The following CFDP1 variants were observed in gnomAD, a reference collection of about 807,000 sequenced individuals.
CFDP1 encodes heterochromatin-stabilizing protein CFDP1.
CFDP1 carries 31 observed loss-of-function variants against 40.1 expected under a neutral mutation model. The ratio of observed to expected loss-of-function variants is 0.77; its 90% CI spans 0.58 to 1.04. The LOEUF is 1.04. Among genes scored for constraint, CFDP1 ranks in the 50% least tolerant of loss-of-function variants. CFDP1 has a pLI of 0.00. For synonymous variants in CFDP1, 167 were observed against 120.0 expected, an observed-to-expected ratio of 1.39 and a Z score of -2.56; for missense variants, 423 against 343.4, an observed-to-expected ratio of 1.23 and a Z score of -1.83.
chr16:75,430,349 T>G (rs2079397021), intron 1 of CFDP1, among the ~76,000 whole-genome samples: 1 of 152,072 alleles, frequency 6.6e-6, no homozygotes, highest in Non-Finnish European at 1.5e-5. Flanking sequence ...TTTTATATCT[T>G]TAGTACAGAC....
intron 5 of CFDP1, among the ~76,000 whole-genome samples, chr16:75,345,274 T>C (rs1025837486): frequency 5.9e-5 from 9 of 151,990 alleles, no homozygotes; most frequent in Admixed American, 5.2e-4. Context: ...CTGGCCACCA[T>C]AGCAAAACCC....
chr16:75,415,673 A>C (rs1382692918), intron 1 of CFDP1, among the ~76,000 whole-genome samples: 1 of 152,204 alleles, frequency 6.6e-6, no homozygotes, highest in Non-Finnish European at 1.5e-5. Flanking sequence ...TGTGAGAGTC[A>C]CCCACATTGT....
chr16:75,425,799 C>T (rs1011673881), intron 1 of CFDP1, among the ~76,000 whole-genome samples: 3 of 151,790 alleles, frequency 2.0e-5, no homozygotes, highest in Non-Finnish European at 4.4e-5. Context: ...TTTGGGAGGC[C>T]GGGGTGGGCG....
At chr16:75,351,384 A>C (rs2078609449) in intron 5 of CFDP1, among the ~76,000 whole-genome samples, 1 of 152,232 alleles carries the variant, frequency 6.6e-6, no homozygotes, top group Admixed American at 6.5e-5. Context: ...TTAGATGACT[A>C]ATACCAGGTC....
chr16:75,306,943 C>A (rs902855337), intron 5 of CFDP1, among the ~76,000 whole-genome samples: 1 of 151,934 alleles, frequency 6.6e-6, no homozygotes, highest in African/African-American at 2.4e-5. Context: ...TTACCAGGAA[C>A]GGAGCATGAG....
chr16:75,389,105 C>T (rs2078925762), intron 5 of CFDP1, among the ~76,000 whole-genome samples: 1 of 152,136 alleles, frequency 6.6e-6, no homozygotes, highest in African/African-American at 2.4e-5. Flanking sequence ...TTTAATGACA[C>T]TAATGGTGGC....
At chr16:75,326,791 G>T (rs911142995) in intron 5 of CFDP1, among the ~76,000 whole-genome samples, 3 of 152,236 alleles carry the variant, frequency 2.0e-5, no homozygotes, top group Non-Finnish European at 4.4e-5. Flanking sequence ...GAAGCTAGAA[G>T]ACTGACGGTG....
chr16:75,376,072 A>G (rs550880779), intron 5 of CFDP1, among the ~76,000 whole-genome samples: 1 of 151,910 alleles, frequency 6.6e-6, no homozygotes, highest in East Asian at 2.0e-4. Context: ...TTAGCCAGAC[A>G]TAGTGGTGTG....
intron 5 of CFDP1, among the ~76,000 whole-genome samples, chr16:75,357,160 G>T (rs913077830): frequency 6.6e-6 from 1 of 151,894 alleles, no homozygotes; most frequent in African/African-American, 2.4e-5. Flanking sequence ...TGATCCACCC[G>T]CCTTGGCCTC....
chr16:75,424,574 T>G (rs955357008), intron 1 of CFDP1, among the ~76,000 whole-genome samples: 47 of 152,114 alleles, frequency 3.1e-4, no homozygotes, highest in Non-Finnish European at 6.6e-4. Context: ...GCTAACACGG[T>G]GAAACCCAGT....
intron 1 of CFDP1, among the ~76,000 whole-genome samples, chr16:75,432,125 T>C (rs1390252596): frequency 6.6e-6 from 1 of 151,300 alleles, no homozygotes; most frequent in African/African-American, 2.4e-5. Context: ...TTGTCCAGGA[T>C]GGTCTCGATC....
At chr16:75,378,279 T>C in intron 5 of CFDP1, among the ~76,000 whole-genome samples, 1 of 41,432 alleles carries the variant, frequency 2.4e-5, no homozygotes, top group South Asian at 8.8e-4. Flanking sequence ...GTAAGGAGCA[T>C]CTCACGTCTC....
At chr16:75,393,623 C>A (rs905950068) in intron 5 of CFDP1, among the ~76,000 whole-genome samples, 1 of 149,436 alleles carries the variant, frequency 6.7e-6, no homozygotes, top group Non-Finnish European at 1.5e-5. Flanking sequence ...CCCAGCTACT[C>A]GGGAGGCTGA....
At chr16:75,326,198 A>G (rs8046109) in intron 5 of CFDP1, among the ~76,000 whole-genome samples, 77,369 of 151,992 alleles carry the variant, frequency 0.51, 20,975 homozygotes, top group Admixed American at 0.66. Context: ...TTGTGTGCCA[A>G]ATGAGTTTTT....
chr16:75,403,057 G>C (rs886514172), intron 4 of CFDP1, among the ~76,000 whole-genome samples: 4 of 152,076 alleles, frequency 2.6e-5, no homozygotes, highest in African/African-American at 9.7e-5. Context: ...TAGACATGGT[G>C]CTGCCCTCTT....
chr16:75,367,207 T>G (rs143995156), intron 5 of CFDP1, among the ~76,000 whole-genome samples: 2 of 149,128 alleles, frequency 1.3e-5, no homozygotes, highest in African/African-American at 2.5e-5. Flanking sequence ...TATTAAACTA[T>G]ACATTTGTAT....
chr16:75,426,997 G>T (rs892191918), intron 1 of CFDP1, among the ~76,000 whole-genome samples: 5 of 151,430 alleles, frequency 3.3e-5, no homozygotes, highest in African/African-American at 1.2e-4. Context: ...GGAGGTTGTG[G>T]TGAGCCAAGA....
intron 5 of CFDP1, among the ~76,000 whole-genome samples, chr16:75,386,331 T>C (rs1015774948): frequency 1.3e-5 from 2 of 152,224 alleles, no homozygotes; most frequent in Non-Finnish European, 2.9e-5. Context: ...AAAATCACTA[T>C]AGATAATTCC....
chr16:75,297,657 C>T (rs753822937), intron 6 of CFDP1, among the ~76,000 whole-genome samples: 32 of 152,180 alleles, frequency 2.1e-4, no homozygotes, highest in Non-Finnish European at 4.0e-4. Context: ...GATGCATCAT[C>T]CCTTTCTGCT....
Sources: allele counts gnomAD v4.1 joint callset (sites outside exome capture counted in the v4.1 genomes callset), GRCh38; gene constraint gnomAD v4.1.1; transcripts MANE v1.5; gene names NCBI Gene and HGNC (gene_info 2026-07-23, HGNC 2026-07-21).